DDI2: variants seen among roughly 807,000 people sequenced by gnomAD.
The protein encoded by DDI2 is protein DDI1 homolog 2.
A neutral mutation model predicts 48.1 loss-of-function variants in DDI2; 5 were observed. The ratio of observed to expected loss-of-function variants is 0.10; its 90% confidence interval spans 0.05 to 0.22. DDI2 has a LOEUF of 0.22. Ranked by LOEUF, DDI2 falls within the 10% of genes least tolerant of loss-of-function variation. DDI2 has a pLI of 1.00. For missense variants in DDI2, 285 were observed against 506.2 expected (o/e 0.56, Z 4.19); for synonymous variants, 205 against 183.6 (o/e 1.12, Z -0.94).
chr1:15,640,238 T>C (rs1639986584), intron 5 of DDI2, among the ~76,000 whole-genome samples: 1 of 152,162 alleles, frequency 6.6e-6, no homozygotes, highest in Admixed American at 6.5e-5. Context: ...ATTGATTCCT[T>C]ATTGTGTGCC....
rs145899528 is a variant in DDI2 at position 15,640,998 on chromosome 1, G to A, written c.761-2524G>A. ...GTCAAAGTGAGTGAATGGCAAAGGG[G>A]ACATATTCCTCCTGCTGAAGCAGAG... On this transcript the variant is annotated intron_variant, in intron 5 of 9. Transcript: ENST00000480945. 2.3e-3 allele frequency among the ~76,000 whole-genome samples: 350 copies of A among 152,302 alleles called. 1 individual carries two copies. The highest frequency in any genetic ancestry group is 0.014 in the Middle Eastern group (4 of 294).
chr1:15,649,255 T>A (rs1356108974), intron 6 of DDI2, among the ~76,000 whole-genome samples: 2 of 152,026 alleles, frequency 1.3e-5, no homozygotes, highest in African/African-American at 4.8e-5. Context: ...TCCCATCTAC[T>A]TGGAAGGTTT....
intron 1 of DDI2, among the ~76,000 whole-genome samples, chr1:15,623,828 A>G (rs1311613049): frequency 1.3e-5 from 2 of 152,080 alleles, no homozygotes; most frequent in African/African-American, 4.8e-5. Flanking sequence ...TAGGAGGCCA[A>G]GGCGGGCAGA....
chr1:15,637,353 GTGTGAACCACTGCACCTGGCATGT>G (rs967529759), intron 4 of DDI2, among the ~76,000 whole-genome samples: 1 of 152,144 alleles, frequency 6.6e-6, no homozygotes, highest in African/African-American at 2.4e-5. Context: ...GGGACTACAG[GTGTGAACCACTGCACCTGGCATGT>G]TGATTTTTTT....
intron 5 of DDI2, among the ~76,000 whole-genome samples, chr1:15,640,448 G>A (rs1400927441): frequency 2.6e-5 from 4 of 152,194 alleles, no homozygotes; most frequent in African/African-American, 7.2e-5. Context: ...TACAGAGTTC[G>A]TGAGTGGTGG....
At chr1:15,618,342 A>G (rs1211093637) in intron 1 of DDI2, among the ~76,000 whole-genome samples, 2 of 151,996 alleles carry the variant, frequency 1.3e-5, no homozygotes, top group Non-Finnish European at 2.9e-5. Context: ...GGTGAAAGAA[A>G]AAGTTTAAGA....
At chr1:15,656,339 A>T (rs1297829553) in intron 8 of DDI2, 6 of 1,197,442 alleles carry the variant, frequency 5.0e-6, no homozygotes, top group Non-Finnish European at 6.5e-6. Flanking sequence ...CACCTGTCTC[A>T]CATTTGCCCG....
chr1:15,637,262 G>C (rs1351180001), intron 4 of DDI2, among the ~76,000 whole-genome samples: 1 of 152,088 alleles, frequency 6.6e-6, no homozygotes, highest in African/African-American at 2.4e-5. Flanking sequence ...TCACCATGTT[G>C]CCCGGGCTGG....
rs1640451868 is a variant in DDI2 at position 15,666,345 on chromosome 1, T to G, written c.*6555T>G. The stretch of plus-strand genomic sequence containing the variant: ...TATTAGGGGAAAGTTTGAAAATAGC[T>G]CTCCTGGAGATGGAGGGCACACAGA... On this transcript the variant is annotated 3_prime_UTR_variant, in exon 10 of 10. Transcript: ENST00000480945. The G allele has an allele frequency of 6.6e-6, 1 of 152,124 alleles. No individual in the cohort carries two copies. The allele number at this position is 152,124 out of a possible 1,614,324, so 9.4% of individuals were successfully genotyped here. A position where few individuals can be genotyped will look rare whatever the true frequency, so the allele number is the denominator to read the frequency against.
intron 2 of DDI2, among the ~76,000 whole-genome samples, chr1:15,629,596 CAAA>C (rs553217782): frequency 2.1e-3 from 236 of 114,830 alleles, no homozygotes; most frequent in African/African-American, 4.8e-3. Context: ...GACTCCGTGT[CAAA>C]AAAAAAAAAA....
intron 6 of DDI2, among the ~76,000 whole-genome samples, chr1:15,647,972 A>AT (rs898450030): frequency 6.6e-6 from 1 of 151,736 alleles, no homozygotes; most frequent in Non-Finnish European, 1.5e-5. Flanking sequence ...CTCAAAAAAA[A>AT]TTTTTTTTTA....
At chr1:15,637,361 C>T (rs1377555927) in intron 4 of DDI2, among the ~76,000 whole-genome samples, 2 of 152,018 alleles carry the variant, frequency 1.3e-5, no homozygotes, top group Non-Finnish European at 2.9e-5. Context: ...AGGTGTGAAC[C>T]ACTGCACCTG....
chr1:15,619,012 A>T (rs1209702340), intron 1 of DDI2, among the ~76,000 whole-genome samples: 1 of 152,190 alleles, frequency 6.6e-6, no homozygotes, highest in Non-Finnish European at 1.5e-5. Flanking sequence ...AGAATTTAAA[A>T]AGTTAATCCA....
At chr1:15,635,842 A>G (rs1639919808) in intron 4 of DDI2, among the ~76,000 whole-genome samples, 1 of 152,262 alleles carries the variant, frequency 6.6e-6, no homozygotes, top group Admixed American at 6.5e-5. Flanking sequence ...TCCATGCAAG[A>G]TGAAGTATAC....
chr1:15,622,947 T>C (rs1200137842), intron 1 of DDI2, among the ~76,000 whole-genome samples: 1 of 152,242 alleles, frequency 6.6e-6, no homozygotes, highest in African/African-American at 2.4e-5. Flanking sequence ...TTCTTCAGTC[T>C]AGTGTTTCCA....
At chr1:15,629,743 T>C (rs1639813742) in intron 2 of DDI2, among the ~76,000 whole-genome samples, 2 of 145,770 alleles carry the variant, frequency 1.4e-5, no homozygotes, top group Non-Finnish European at 3.0e-5. Flanking sequence ...TTTTTTTTTT[T>C]CTTTTGAGAT....
intron 5 of DDI2, among the ~76,000 whole-genome samples, chr1:15,639,830 A>G (rs902816481): frequency 2.6e-5 from 4 of 151,998 alleles, no homozygotes; most frequent in East Asian, 1.9e-4. Context: ...CAACATGGGG[A>G]AACCTCGCCT....
intron 2 of DDI2, among the ~76,000 whole-genome samples, chr1:15,629,454 G>A (rs554112915): frequency 2.0e-5 from 3 of 152,036 alleles, no homozygotes; most frequent in African/African-American, 7.2e-5. Flanking sequence ...AAAATTAGCT[G>A]GGCGTAGTGG....
intron 3 of DDI2, among the ~76,000 whole-genome samples, chr1:15,631,625 T>G (rs1319869157): frequency 6.6e-6 from 1 of 152,182 alleles, no homozygotes; most frequent in African/African-American, 2.4e-5. Flanking sequence ...GACAAACTCC[T>G]GTAACCCCAA....
Sources: gnomAD v4.1 joint callset for allele counts (sites outside exome capture counted in the v4.1 genomes callset) on GRCh38, gnomAD v4.1.1 for gene constraint, MANE v1.5 for transcripts, NCBI Gene and HGNC (gene_info 2026-07-23, HGNC 2026-07-21) for gene names.